CNTN5: variants seen among roughly 807,000 people sequenced by gnomAD.
CNTN5 encodes the protein contactin 5.
In CNTN5, 77 loss-of-function variants were observed where a neutral mutation model predicts 129.1. The observed-to-expected ratio is 0.60, with a 90% CI of 0.50 to 0.72. The LOEUF is 0.72. Among genes scored for constraint, CNTN5 ranks in the 30% least tolerant of loss-of-function variants. The probability of loss-of-function intolerance (pLI) is 0.00; values close to 1 mark genes in which losing one functional copy is unlikely to be tolerated. For missense variants in CNTN5, 1,478 were observed against 1,328.8 expected, an observed-to-expected ratio of 1.11 and a Z score of -1.75; for synonymous variants, 509 against 465.6, an observed-to-expected ratio of 1.09 and a Z score of -1.20.
chr11:99,742,738 GCCTAGCGTT>G (rs1315668200), intron 3 of CNTN5, among the ~76,000 whole-genome samples: 1 of 152,104 alleles, frequency 6.6e-6, no homozygotes, highest in Non-Finnish European at 1.5e-5. Context: ...CTGTCATCCT[GCCTAGCGTT>G]CCTTCTACTG....
rs540866995 is a variant in CNTN5, at chr11:100,193,181, C to CT, written c.1709-300dup. 1.2e-4 allele frequency among the ~76,000 whole-genome samples: 18 copies of CT among 151,928 alleles called. No homozygotes were observed. The South Asian group carries it at 1.2e-3, about 11-fold the overall frequency. On this transcript the variant is annotated intron_variant, in intron 14 of 24. Coordinates refer to ENST00000524871, the MANE Select transcript of CNTN5 (RefSeq NM_014361.4). ...GTGGTCAGAGAGGCTACAGCCTCTTCTTTTTTTCTAATGTTCCTCCTTCCA... is the reference window on the plus strand; with the variant it reads ...GTGGTCAGAGAGGCTACAGCCTCTTCTTTTTTTTCTAATGTTCCTCCTTCCA...
intron 17 of CNTN5, among the ~76,000 whole-genome samples, chr11:100,266,972 C>T (rs1242851204): frequency 1.3e-5 from 2 of 152,004 alleles, no homozygotes; most frequent in Non-Finnish European, 2.9e-5. Flanking sequence ...CTTGTGAAGA[C>T]TGTATTCTTA....
rs1287055716 is a variant in CNTN5 at position 99,929,729 on chromosome 11, C to T, written c.673+13580C>T. Among the ~76,000 whole-genome samples the T allele has an allele frequency of 2.6e-5, 4 of 152,152 alleles. No individual in the cohort carries two copies. In the East Asian group the frequency reaches 7.7e-4, roughly 29 times the overall value. On this transcript the variant is annotated intron_variant, in intron 7 of 24. Coordinates refer to ENST00000524871, the MANE Select transcript of CNTN5 (RefSeq NM_014361.4). Reference sequence around the variant, plus strand: ...GATTAAATTATCCTCCACTGGTTCCCTCCTAAGACATGTGGAGATTATGGG... The same window carrying T: ...GATTAAATTATCCTCCACTGGTTCCTTCCTAAGACATGTGGAGATTATGGG...
chr11:99,345,272 T>C (rs1200134830), intron 2 of CNTN5, among the ~76,000 whole-genome samples: 1 of 152,224 alleles, frequency 6.6e-6, no homozygotes, highest in Non-Finnish European at 1.5e-5. Context: ...ATTGTTTTTC[T>C]AATGAATTAT....
intron 3 of CNTN5, among the ~76,000 whole-genome samples, chr11:99,786,359 C>G (rs1345553583): frequency 6.6e-6 from 1 of 151,696 alleles, no homozygotes; most frequent in African/African-American, 2.4e-5. Context: ...TTGGAGGACA[C>G]AAACAAATGG....
At chr11:99,553,455 C>T (rs538854952) in intron 2 of CNTN5, among the ~76,000 whole-genome samples, 113 of 151,892 alleles carry the variant, frequency 7.4e-4, no homozygotes, top group African/African-American at 1.6e-3. Context: ...TTAAAGTCAT[C>T]GGATAACTAT....
intron 3 of CNTN5, among the ~76,000 whole-genome samples, chr11:99,756,236 A>G (rs1219767084): frequency 6.6e-6 from 1 of 152,114 alleles, no homozygotes; most frequent in African/African-American, 2.4e-5. Context: ...GACCTTGTAA[A>G]GATAGCCTGG....
In CNTN5 at chr11:99,476,001, A is replaced by C. The variant is rs191005894; in HGVS notation, c.-70-80144A>C. Among the ~76,000 whole-genome samples, 636 of 152,172 alleles carry C rather than the reference A, an allele frequency of 4.2e-3. 5 individuals carry two copies. The highest frequency in any genetic ancestry group is 0.015 in the African/African-American group (607 of 41,550). ...TTGCTTAATGCAAATTCCTGTGAGCATCTGGCCTAACATATCATTGACAAA... is the reference window on the plus strand; with the variant it reads ...TTGCTTAATGCAAATTCCTGTGAGCCTCTGGCCTAACATATCATTGACAAA... On this transcript the variant is annotated intron_variant, in intron 2 of 24. Coordinates refer to ENST00000524871, the MANE Select transcript of CNTN5 (RefSeq NM_014361.4).
At chr11:99,630,639 TTAAC>T (rs1466544576) in intron 3 of CNTN5, among the ~76,000 whole-genome samples, 1 of 152,124 alleles carries the variant, frequency 6.6e-6, no homozygotes, top group Non-Finnish European at 1.5e-5. Context: ...CTTTTAATAT[TTAAC>T]TATTAATTCT....
At chr11:99,718,773 C>A (rs1943070385) in intron 3 of CNTN5, among the ~76,000 whole-genome samples, 1 of 152,030 alleles carries the variant, frequency 6.6e-6, no homozygotes, top group Non-Finnish European at 1.5e-5. Context: ...GTCACAAACA[C>A]CATATTTAAC....
At chr11:99,463,913 T>C (rs1200351726) in intron 2 of CNTN5, among the ~76,000 whole-genome samples, 2 of 152,200 alleles carry the variant, frequency 1.3e-5, no homozygotes, top group East Asian at 3.8e-4. Flanking sequence ...AAGAAGATTA[T>C]TGATTTTTCT....
rs774797660 is a variant in CNTN5, at chr11:99,382,844, A to ATTTTTTTTTTTTTT, written c.-71+57360_-71+57361insTTTTTTTTTTTTTT. ...CACATCTCACTAGTGTCTCTAAATA[A>ATTTTTTTTTTTTTT]CTTTTTTTTTTTTTTTTTTTTTTTT... On this transcript the variant is annotated intron_variant, in intron 2 of 24. Coordinates refer to ENST00000524871, the MANE Select transcript of CNTN5 (RefSeq NM_014361.4). Among the ~76,000 whole-genome samples the ATTTTTTTTTTTTTT allele has an allele frequency of 3.7e-3, 254 of 69,358 alleles. 22 individuals are homozygous for ATTTTTTTTTTTTTT. The highest frequency in any genetic ancestry group is 0.016 in the African/African-American group (219 of 13,976). 45.5% of individuals were successfully genotyped at this position (69,358 alleles called of 152,430 possible).
intron 1 of CNTN5, among the ~76,000 whole-genome samples, chr11:99,253,420 A>G (rs1236919814): frequency 1.3e-5 from 2 of 152,064 alleles, no homozygotes; most frequent in Non-Finnish European, 2.9e-5. Context: ...TACGTCAACA[A>G]CGTATAGCCA....
At chr11:99,661,775 A>C (rs919267678) in intron 3 of CNTN5, among the ~76,000 whole-genome samples, 4 of 152,136 alleles carry the variant, frequency 2.6e-5, no homozygotes, top group African/African-American at 9.6e-5. Flanking sequence ...TTAAGTGATT[A>C]GTTGAGATTG....
rs17134496 is a variant in CNTN5, at chr11:99,811,826, C to G, written c.56-7718C>G. ...TAGAAATAACTTTAACACATGCTCCCTAAGGTCTAACCTACAAAAAGTGAG... is the reference window on the plus strand; with the variant it reads ...TAGAAATAACTTTAACACATGCTCCGTAAGGTCTAACCTACAAAAAGTGAG... On this transcript the variant is annotated intron_variant, in intron 3 of 24. Transcript: ENST00000524871. Among the ~76,000 whole-genome samples the G allele has an allele frequency of 7.2e-3, 1,091 of 152,082 alleles. 12 individuals are homozygous for G. Among genetic ancestry groups the G allele is most frequent in the African/African-American group, 0.025 (1,044 of 41,504 alleles).
intron 3 of CNTN5, among the ~76,000 whole-genome samples, chr11:99,788,928 G>GA (rs1490906204): frequency 1.3e-5 from 2 of 151,580 alleles, no homozygotes; most frequent in Non-Finnish European, 3.0e-5. Flanking sequence ...CTGACTTTCT[G>GA]AAAAAACGTT....
chr11:99,798,139 T>C (rs1387344766), intron 3 of CNTN5, among the ~76,000 whole-genome samples: 1 of 152,058 alleles, frequency 6.6e-6, no homozygotes, highest in Admixed American at 6.6e-5. Context: ...GGCCCTAGTA[T>C]ATGTTTTTCC....
intron 2 of CNTN5, among the ~76,000 whole-genome samples, chr11:99,484,128 C>T (rs1406298163): frequency 4.6e-5 from 7 of 151,640 alleles, no homozygotes; most frequent in African/African-American, 1.2e-4. Context: ...AATGATCTGA[C>T]GAGGATTAAT....
chr11:100,341,138 C>T lies in CNTN5; in HGVS notation c.2963C>T (p.Ser988Phe). The T allele has an allele frequency of 6.2e-7, 1 of 1,613,938 alleles. No individual in the cohort carries two copies. The highest frequency in any genetic ancestry group is 8.5e-7 in the Non-Finnish European group (1 of 1,179,824). ...AACCTCAGGTGGGAGCAGCAAGGCT[C>T]TCAGGTTTCTCTGGGCTGGGAACCC... is the stretch of plus-strand genomic sequence containing the variant. ...PSNLRWEQQG[S>F]QVSLGWEPVI... Residue 988 changes from serine (S) to phenylalanine (F), a missense_variant, in exon 23 of 25, where the codon TCT becomes TTT. By Grantham distance (155) the Ser-to-Phe change is radical. Transcript: ENST00000524871.
Sources: gnomAD v4.1 joint callset for allele counts (sites outside exome capture counted in the v4.1 genomes callset) on GRCh38, gnomAD v4.1.1 for gene constraint, MANE v1.5 for transcripts, NCBI Gene and HGNC (gene_info 2026-07-23, HGNC 2026-07-21) for gene names.